The following SPIRE1 variants were observed in gnomAD, a reference collection of about 807,000 sequenced individuals.
The protein encoded by SPIRE1 is spire type actin nucleation factor 1.
In SPIRE1, 40 loss-of-function variants were observed where a neutral mutation model predicts 94.1. That is an observed-to-expected ratio of 0.43 (90% confidence interval 0.33 to 0.55). The LOEUF is 0.55. Ranked by LOEUF, SPIRE1 falls within the 20% of genes least tolerant of loss-of-function variation. The pLI, the probability that SPIRE1 is intolerant of heterozygous loss-of-function variation, is 0.06. For missense variants in SPIRE1, 838 were observed against 975.2 expected (o/e 0.86, Z 1.87); for synonymous variants, 376 against 371.7 (o/e 1.01, Z -0.13).
intron 4 of SPIRE1, among the ~76,000 whole-genome samples, chr18:12,515,586 GA>G (rs2034172668): frequency 6.6e-6 from 1 of 152,166 alleles, no homozygotes; most frequent in Admixed American, 6.5e-5. Flanking sequence ...TTAATGTAAT[GA>G]AAGCTGTGGT....
At position 12,546,913 on chromosome 18, in the gene SPIRE1, A is replaced by G; in HGVS notation, c.373-9T>C. 3.1e-6 allele frequency: 5 copies of G among 1,596,812 alleles called. No homozygotes were observed. The highest frequency in any genetic ancestry group is 4.3e-6 in the Non-Finnish European group (5 of 1,168,032). On this transcript the variant is annotated splice_polypyrimidine_tract_variant and intron_variant, in intron 2 of 16. Coordinates refer to ENST00000409402, the MANE Select transcript of SPIRE1 (RefSeq NM_001128626.2). ...CCCAAAGATTCAATGACCTAGGAAC[A>G]TTTAAAAAAGTGGTTAATGGAGATG...
At chr18:12,551,366 A>G (rs1201263493) in intron 2 of SPIRE1, among the ~76,000 whole-genome samples, 2 of 152,224 alleles carry the variant, frequency 1.3e-5, no homozygotes, top group Admixed American at 1.3e-4. Flanking sequence ...TAAAATATTT[A>G]GTAGAAATCT....
chr18:12,589,530 A>G (rs2036474080), intron 2 of SPIRE1, among the ~76,000 whole-genome samples: 1 of 152,230 alleles, frequency 6.6e-6, no homozygotes, highest in Non-Finnish European at 1.5e-5. Flanking sequence ...TTGCCAGGAT[A>G]CATAAAATGT....
intron 2 of SPIRE1, among the ~76,000 whole-genome samples, chr18:12,578,931 GAAGTA>G (rs978963883): frequency 3.3e-5 from 5 of 152,096 alleles, no homozygotes; most frequent in Admixed American, 6.6e-5. Flanking sequence ...TACTTCAACA[GAAGTA>G]AAGAAAATTT....
Position 12,449,667 on chromosome 18 carries a change from G to T in SPIRE1, c.2242C>A (p.Pro748Thr). ...MSSPGPSEYC[P>T]SERTISEI ...ATCTCACTGATCGTCCTCTCTGAAG[G>T]GCAGTACTCCGAGGGGCCTGGCGAG... is the stretch of plus-strand genomic sequence containing the variant. The change falls in exon 17 of 17, where the codon CCT becomes ACT. Residue 748 changes from proline to threonine, a missense_variant. By Grantham distance (38) the Pro-to-Thr change is conservative (BLOSUM62 -1). Coordinates refer to ENST00000409402, the MANE Select transcript of SPIRE1 (RefSeq NM_001128626.2). The T allele has an allele frequency of 6.2e-7, 1 of 1,614,128 alleles. No homozygotes were observed. The highest frequency in any genetic ancestry group is 8.5e-7 in the Non-Finnish European group (1 of 1,180,008).
chr18:12,509,832 C>A (rs2033965729), intron 5 of SPIRE1, among the ~76,000 whole-genome samples: 1 of 152,144 alleles, frequency 6.6e-6, no homozygotes, highest in African/African-American at 2.4e-5. Context: ...CCTGTAATCC[C>A]AGCACTTTGG....
At chr18:12,633,453 G>A (rs112047136) in intron 2 of SPIRE1, among the ~76,000 whole-genome samples, 9 of 152,172 alleles carry the variant, frequency 5.9e-5, no homozygotes, top group African/African-American at 2.2e-4. Flanking sequence ...GCATGTGCCT[G>A]TAGTCCCAGC....
rs1351454524 is a variant in SPIRE1, at chr18:12,598,164, A to AT, written c.372+36897_372+36898insA. 3.3e-5 allele frequency among the ~76,000 whole-genome samples: 5 copies of AT among 152,316 alleles called. No homozygotes were observed. In the East Asian group the frequency reaches 9.6e-4, roughly 29 times the overall value. On this transcript the variant is annotated intron_variant, in intron 2 of 16. Transcript: ENST00000409402. ...TATTTGACATAATTACGTCTTCCTA[A>AT]ACATACACATTTTTAAACTAAATTA...
intron 2 of SPIRE1, among the ~76,000 whole-genome samples, chr18:12,566,734 G>A (rs1201538837): frequency 6.6e-6 from 1 of 151,992 alleles, no homozygotes; most frequent in Non-Finnish European, 1.5e-5. Context: ...AAAGCACCAG[G>A]ACCAGATAGG....
chr18:12,496,699 C>T (rs2038231138), intron 6 of SPIRE1, among the ~76,000 whole-genome samples: 1 of 152,120 alleles, frequency 6.6e-6, no homozygotes, highest in Non-Finnish European at 1.5e-5. Context: ...GAAACCCTGT[C>T]TCTACTAAAA....
intron 12 of SPIRE1, 136 bp downstream of exon 12, chr18:12,463,215 A>T: frequency 1.1e-6 from 1 of 877,180 alleles, no homozygotes; most frequent in Non-Finnish European, 1.7e-6. Flanking sequence ...TGTTTTCTTT[A>T]GCTATTAAGT....
chr18:12,553,464 G>A (rs2035415792), intron 2 of SPIRE1, among the ~76,000 whole-genome samples: 1 of 152,204 alleles, frequency 6.6e-6, no homozygotes, highest in Admixed American at 6.5e-5. Flanking sequence ...GGCCTGTGGT[G>A]GTGGCCATGG....
At chr18:12,565,221 T>C (rs1432295371) in intron 2 of SPIRE1, among the ~76,000 whole-genome samples, 1 of 152,048 alleles carries the variant, frequency 6.6e-6, no homozygotes, top group African/African-American at 2.4e-5. Context: ...GGAACAAAGA[T>C]AAGAATTACA....
intron 9 of SPIRE1, among the ~76,000 whole-genome samples, chr18:12,480,388 G>C (rs188700039): frequency 6.6e-6 from 1 of 152,272 alleles, no homozygotes; most frequent in East Asian, 1.9e-4. Context: ...ATTATTAAGA[G>C]CTCAAATTTG....
chr18:12,644,731 A>T (rs1369191845), intron 1 of SPIRE1, among the ~76,000 whole-genome samples: 1 of 152,200 alleles, frequency 6.6e-6, no homozygotes. Context: ...ACTTCCAAAC[A>T]TATATTTAAT....
At chr18:12,502,821 A>G (rs1255074721) in intron 6 of SPIRE1, among the ~76,000 whole-genome samples, 4 of 152,136 alleles carry the variant, frequency 2.6e-5, no homozygotes, top group African/African-American at 9.7e-5. Flanking sequence ...GAAATACCCC[A>G]TGTGGGTGGG....
intron 1 of SPIRE1, among the ~76,000 whole-genome samples, chr18:12,644,170 G>A (rs887802157): frequency 7.3e-6 from 1 of 137,768 alleles, no homozygotes; most frequent in Non-Finnish European, 1.5e-5. Flanking sequence ...CTGCACTCCA[G>A]CCTAGGTGAC....
intron 1 of SPIRE1, among the ~76,000 whole-genome samples, chr18:12,638,010 C>G (rs2037982925): frequency 6.6e-6 from 1 of 152,160 alleles, no homozygotes; most frequent in African/African-American, 2.4e-5. Flanking sequence ...GCTGTAAGTA[C>G]AAAGTATTTG....
At chr18:12,582,445 T>C (rs1350166880) in intron 2 of SPIRE1, among the ~76,000 whole-genome samples, 1 of 152,226 alleles carries the variant, frequency 6.6e-6, no homozygotes, top group African/African-American at 2.4e-5. Flanking sequence ...AACTGTGGTA[T>C]GTTTCCCTAC....
Sources: allele counts gnomAD v4.1 joint callset (sites outside exome capture counted in the v4.1 genomes callset), GRCh38; gene constraint gnomAD v4.1.1; transcripts MANE v1.5; gene names NCBI Gene and HGNC (gene_info 2026-07-23, HGNC 2026-07-21).